Variants in GRIN2B observed in about 807,000 individuals in gnomAD.
GRIN2B encodes glutamate ionotropic receptor NMDA type subunit 2B.
In GRIN2B, 5 loss-of-function variants were observed where a neutral mutation model predicts 114.5. That is an observed-to-expected ratio of 0.04 (90% CI 0.02 to 0.09). The LOEUF (loss-of-function observed/expected upper bound fraction) is 0.09, where lower values mean the gene tolerates loss of function less well. Among genes scored for constraint, GRIN2B ranks in the 10% least tolerant of loss-of-function variants. The pLI, the probability that GRIN2B is intolerant of heterozygous loss-of-function variation, is 1.00. For synonymous variants in GRIN2B, 787 were observed against 745.1 expected, an observed-to-expected ratio of 1.06 and a Z score of -0.92; for missense variants, 1,108 against 1,943.5, an observed-to-expected ratio of 0.57 and a Z score of 8.08.
intron 4 of GRIN2B, among the ~76,000 whole-genome samples, chr12:13,697,558 C>T (rs1054068472): frequency 6.6e-6 from 1 of 152,106 alleles, no homozygotes; most frequent in Non-Finnish European, 1.5e-5. Flanking sequence ...AACTAGAGTG[C>T]GGGGGCTGGA....
At position 13,755,035 on chromosome 12, in the gene GRIN2B, G is replaced by T. The variant is rs567804130; in HGVS notation, c.412-1120C>A. 2.0e-5 allele frequency among the ~76,000 whole-genome samples: 3 copies of T among 152,260 alleles called. No individual in the cohort carries two copies. In the South Asian group the frequency reaches 6.2e-4, roughly 32 times the overall value. On this transcript the variant is annotated intron_variant, in intron 3 of 13. Transcript: ENST00000609686. Reference sequence around the variant, plus strand: ...CTGATTTCCTCCTGGGTAATGGTATGTCTTTTCTTGCTCTGTGCCCCTTAT... The same window carrying T: ...CTGATTTCCTCCTGGGTAATGGTATTTCTTTTCTTGCTCTGTGCCCCTTAT...
chr12:13,819,928 C>T (rs371110280), intron 3 of GRIN2B, among the ~76,000 whole-genome samples: 1 of 152,108 alleles, frequency 6.6e-6, no homozygotes, highest in Non-Finnish European at 1.5e-5. Flanking sequence ...CAATAAACAA[C>T]CTAAACTTCC....
In GRIN2B at chr12:13,551,106, A is replaced by G. The variant is rs556204848; in HGVS notation, c.*11677T>C. On this transcript the variant is annotated 3_prime_UTR_variant, in exon 14 of 14. Transcript: ENST00000609686. ...TGCTTCCTGCCTATGTGAAACCTTGATATTTTTCTTGCTCCTGACCCTGGG... is the reference window on the plus strand; with the variant it reads ...TGCTTCCTGCCTATGTGAAACCTTGGTATTTTTCTTGCTCCTGACCCTGGG... The G allele has an allele frequency of 2.0e-5, 3 of 152,184 alleles. No individual in the cohort carries two copies. The South Asian group carries it at 6.2e-4, about 32-fold the overall frequency. 9.4% of individuals were successfully genotyped at this position (152,184 alleles called of 1,614,324 possible).
chr12:13,790,732 A>C (rs975320178), intron 3 of GRIN2B, among the ~76,000 whole-genome samples: 3 of 152,192 alleles, frequency 2.0e-5, no homozygotes, highest in Non-Finnish European at 2.9e-5. Context: ...ACACAGTAGG[A>C]ACTTCAGACT....
chr12:13,689,198 T>C (rs1343465517), intron 4 of GRIN2B, among the ~76,000 whole-genome samples: 2 of 152,132 alleles, frequency 1.3e-5, no homozygotes, highest in Non-Finnish European at 2.9e-5. Context: ...ATTTCCATCC[T>C]TTGCCAGTCA....
At chr12:13,763,575 C>T (rs997797763) in intron 3 of GRIN2B, among the ~76,000 whole-genome samples, 6 of 152,158 alleles carry the variant, frequency 3.9e-5, no homozygotes, top group East Asian at 1.9e-4. Context: ...CTGTTCTATA[C>T]GAGATGATTA....
At chr12:13,596,732 A>C (rs1210487105) in intron 10 of GRIN2B, among the ~76,000 whole-genome samples, 1 of 152,242 alleles carries the variant, frequency 6.6e-6, no homozygotes, top group Non-Finnish European at 1.5e-5. Flanking sequence ...AAGGGGCTGT[A>C]TGTGCACAAA....
At chr12:13,621,874 G>A (rs1949521399) in intron 5 of GRIN2B, among the ~76,000 whole-genome samples, 1 of 152,074 alleles carries the variant, frequency 6.6e-6, no homozygotes, top group Admixed American at 6.5e-5. Context: ...TACTGCCAGT[G>A]AAATTGGCAC....
intron 2 of GRIN2B, among the ~76,000 whole-genome samples, chr12:13,909,006 A>C (rs1191107870): frequency 6.6e-6 from 1 of 152,158 alleles, no homozygotes; most frequent in Non-Finnish European, 1.5e-5. Context: ...TGTGTCCACC[A>C]TGCTCACTAT....
chr12:13,746,480 C>G (rs957191777), intron 4 of GRIN2B, among the ~76,000 whole-genome samples: 2 of 152,162 alleles, frequency 1.3e-5, no homozygotes, highest in African/African-American at 4.8e-5. Context: ...TTCCCATAGA[C>G]CATATTCCGT....
chr12:13,951,146 T>A (rs942514487), intron 2 of GRIN2B, among the ~76,000 whole-genome samples: 1 of 152,216 alleles, frequency 6.6e-6, no homozygotes, highest in Admixed American at 6.5e-5. Flanking sequence ...AGTATAAGTA[T>A]GCAAATATTA....
At chr12:13,637,407 A>C (rs1194630056) in intron 5 of GRIN2B, among the ~76,000 whole-genome samples, 1 of 152,160 alleles carries the variant, frequency 6.6e-6, no homozygotes, top group Non-Finnish European at 1.5e-5. Context: ...GTAGGTTAAA[A>C]AATGTAAGTA....
At chr12:13,686,989 C>A (rs988113113) in intron 4 of GRIN2B, among the ~76,000 whole-genome samples, 1 of 152,136 alleles carries the variant, frequency 6.6e-6, no homozygotes, top group African/African-American at 2.4e-5. Flanking sequence ...GTGCACCCCC[C>A]TCCCCGACCT....
Position 13,940,962 on chromosome 12 carries a change from C to A in GRIN2B, c.-19+38966G>T, listed in dbSNP as rs188189355. On this transcript the variant is annotated intron_variant, in intron 2 of 13. Coordinates refer to ENST00000609686, the MANE Select transcript of GRIN2B (RefSeq NM_000834.5). Reference sequence around the variant, plus strand: ...ACTTTGGGGCTCCAATTCACATTAACCCTCTCTCCAATTTCCCTTCATTTC... The same window carrying A: ...ACTTTGGGGCTCCAATTCACATTAAACCTCTCTCCAATTTCCCTTCATTTC... Among the ~76,000 whole-genome samples, 6 of 152,198 alleles carry A rather than the reference C, an allele frequency of 3.9e-5. No individual in the cohort carries two copies. The East Asian group carries it at 9.7e-4, about 25-fold the overall frequency.
At chr12:13,891,208 A>C (rs1040971965) in intron 2 of GRIN2B, among the ~76,000 whole-genome samples, 6 of 152,216 alleles carry the variant, frequency 3.9e-5, no homozygotes, top group African/African-American at 1.4e-4. Flanking sequence ...ATGCAAATGC[A>C]TGTGAATAAT....
intron 2 of GRIN2B, among the ~76,000 whole-genome samples, chr12:13,930,947 T>G (rs1274808584): frequency 6.6e-6 from 1 of 152,182 alleles, no homozygotes; most frequent in Non-Finnish European, 1.5e-5. Context: ...TTCAATGTGA[T>G]TGTCAAAAAA....
intron 3 of GRIN2B, among the ~76,000 whole-genome samples, chr12:13,830,131 G>A (rs111262969): frequency 2.0e-5 from 3 of 152,224 alleles, no homozygotes; most frequent in Admixed American, 1.3e-4. Context: ...CAAAAGCAGG[G>A]GACTTTAAAG....
rs921830219 is a variant in GRIN2B, at chr12:13,807,708, G to C, written c.412-53793C>G. 8.9e-5 allele frequency among the ~76,000 whole-genome samples: 9 copies of C among 101,226 alleles called. No homozygotes were observed. In the South Asian group the frequency reaches 2.5e-3, roughly 28 times the overall value. 66.4% of individuals were successfully genotyped at this position (101,226 alleles called of 152,430 possible). On this transcript the variant is annotated intron_variant, in intron 3 of 13. Coordinates refer to ENST00000609686, the MANE Select transcript of GRIN2B (RefSeq NM_000834.5). ...CAAGCAGACGTTTATTAAGCAGAAG[G>C]CTTTTTTTTTTTTTTTTTTTTTTTT...
chr12:13,904,804 G>A (rs1157702797), intron 2 of GRIN2B, among the ~76,000 whole-genome samples: 1 of 152,008 alleles, frequency 6.6e-6, no homozygotes, highest in Non-Finnish European at 1.5e-5. Flanking sequence ...TGAGAAGTCA[G>A]GAGTTCATCT....
Sources: allele counts gnomAD v4.1 joint callset (sites outside exome capture counted in the v4.1 genomes callset), GRCh38; gene constraint gnomAD v4.1.1; transcripts MANE v1.5; gene names NCBI Gene and HGNC (gene_info 2026-07-23, HGNC 2026-07-21).